The following SLC14A2 variants were observed in gnomAD, a reference collection of about 807,000 sequenced individuals.
SLC14A2 encodes the protein solute carrier family 14 member 2, also known as urea transporter 2.
In SLC14A2, 91 loss-of-function variants were observed where a neutral mutation model predicts 104.6. That is an observed-to-expected ratio of 0.87 (90% CI 0.73 to 1.04). The LOEUF (loss-of-function observed/expected upper bound fraction) is 1.04, where lower values mean the gene tolerates loss of function less well. Ranked by LOEUF, SLC14A2 falls within the 50% of genes least tolerant of loss-of-function variation. The probability of loss-of-function intolerance (pLI) is 0.00; values close to 1 mark genes in which losing one functional copy is unlikely to be tolerated. For missense variants in SLC14A2, 1,189 were observed against 1,156.0 expected (o/e 1.03, Z -0.41); for synonymous variants, 476 against 466.4 (o/e 1.02, Z -0.27).
intron 1 of SLC14A2, among the ~76,000 whole-genome samples, chr18:45,452,061 T>G (rs2144614308): frequency 6.6e-6 from 1 of 150,796 alleles, no homozygotes; most frequent in African/African-American, 2.4e-5. Context: ...TACTCAAGAG[T>G]GGGGACAGCT....
chr18:45,183,969 G>A, the SLC14A2 span, among the ~76,000 whole-genome samples: 1 of 112,346 alleles, frequency 8.9e-6, no homozygotes, highest in Non-Finnish European at 1.6e-5. Flanking sequence ...GCCCAGGCTA[G>A]TCTCAAACTC....
intron 1 of SLC14A2, among the ~76,000 whole-genome samples, chr18:45,469,812 G>A (rs566042492): frequency 1.4e-4 from 21 of 152,332 alleles, no homozygotes; most frequent in African/African-American, 4.8e-4. Context: ...TGTGGGGCAT[G>A]TCTGTGAACA....
the SLC14A2 span, among the ~76,000 whole-genome samples, chr18:45,187,863 G>A: frequency 1.3e-5 from 2 of 152,252 alleles, no homozygotes; most frequent in Admixed American, 1.3e-4. Context: ...TATCTTTTGA[G>A]GTGAGATTGA....
chr18:45,193,278 CT>C, the SLC14A2 span, among the ~76,000 whole-genome samples: 2 of 152,054 alleles, frequency 1.3e-5, no homozygotes, highest in Non-Finnish European at 2.9e-5. Context: ...ATGGATGGTG[CT>C]TTTGATGTTA....
rs545721444 is a variant in SLC14A2, at chr18:45,578,599, G to A, written c.-34-46032G>A. On this transcript the variant is annotated intron_variant, in intron 2 of 20. Coordinates refer to the SLC14A2 transcript ENST00000586448. Reference sequence around the variant, plus strand: ...CAACAGTATAGGTACTCTTTTGACTGGCTTTCCATATTGGAATACATACAA... The same window carrying A: ...CAACAGTATAGGTACTCTTTTGACTAGCTTTCCATATTGGAATACATACAA... Among the ~76,000 whole-genome samples the A allele has an allele frequency of 2.6e-5, 4 of 152,252 alleles. No homozygotes were observed. The East Asian group carries it at 7.7e-4, about 29-fold the overall frequency.
At chr18:45,330,197 A>G (rs1205444522) in intron 1 of SLC14A2, among the ~76,000 whole-genome samples, 1 of 152,192 alleles carries the variant, frequency 6.6e-6, no homozygotes, top group Non-Finnish European at 1.5e-5. Flanking sequence ...CAGCTCATTC[A>G]GTAGGGTCAA....
intron 2 of SLC14A2, among the ~76,000 whole-genome samples, chr18:45,584,307 C>G (rs2144368090): frequency 6.6e-6 from 1 of 152,340 alleles, no homozygotes; most frequent in Non-Finnish European, 1.5e-5. Context: ...GATCCCAGAT[C>G]TGTTACACTT....
chr18:45,415,740 G>A (rs907935419), intron 1 of SLC14A2, among the ~76,000 whole-genome samples: 2 of 152,166 alleles, frequency 1.3e-5, no homozygotes, highest in Non-Finnish European at 2.9e-5. Context: ...ATGGGGCTGA[G>A]TGGAGCTGAA....
chr18:45,653,591 T>A (rs1227510302), intron 10 of SLC14A2, among the ~76,000 whole-genome samples: 2 of 152,076 alleles, frequency 1.3e-5, no homozygotes, highest in Non-Finnish European at 2.9e-5. Context: ...CCAGACCCTA[T>A]GGCCTCATGG....
At chr18:45,434,155 T>A (rs1305506787) in intron 1 of SLC14A2, among the ~76,000 whole-genome samples, 3 of 152,160 alleles carry the variant, frequency 2.0e-5, no homozygotes, top group African/African-American at 7.2e-5. Flanking sequence ...CTGTAGATTG[T>A]CCCATATTGT....
chr18:45,383,162 A>C (rs1049373174), intron 1 of SLC14A2, among the ~76,000 whole-genome samples: 1 of 152,266 alleles, frequency 6.6e-6, no homozygotes, highest in African/African-American at 2.4e-5. Flanking sequence ...CCAAGATCAC[A>C]GAATGGGTTA....
the SLC14A2 span, among the ~76,000 whole-genome samples, chr18:45,186,824 A>G: frequency 6.6e-6 from 1 of 152,192 alleles, no homozygotes; most frequent in African/African-American, 2.4e-5. Flanking sequence ...AGAGGCTGCC[A>G]TCTTAGGGAG....
At chr18:45,538,519 T>A (rs1405309724) in intron 2 of SLC14A2, among the ~76,000 whole-genome samples, 1 of 152,258 alleles carries the variant, frequency 6.6e-6, no homozygotes, top group Admixed American at 6.5e-5. Flanking sequence ...CCTGACTGGC[T>A]GCTGGCCCCA....
chr18:45,199,484 A>G, the SLC14A2 span, among the ~76,000 whole-genome samples: 5 of 151,932 alleles, frequency 3.3e-5, no homozygotes, highest in African/African-American at 7.3e-5. Flanking sequence ...TTACAATTTC[A>G]TTAATTGTGT....
At chr18:45,442,976 G>T (rs2086704412) in intron 1 of SLC14A2, among the ~76,000 whole-genome samples, 2 of 152,332 alleles carry the variant, frequency 1.3e-5, no homozygotes, top group South Asian at 4.1e-4. Context: ...ATGTCAATAT[G>T]TGGGCCAGCT....
intron 1 of SLC14A2, among the ~76,000 whole-genome samples, chr18:45,258,389 G>C (rs1179822320): frequency 1.4e-5 from 2 of 142,682 alleles, no homozygotes; most frequent in Non-Finnish European, 1.5e-5. Flanking sequence ...AGTATCAGGA[G>C]TAGGAACATT....
chr18:45,424,421 G>T (rs1568195560), intron 1 of SLC14A2, among the ~76,000 whole-genome samples: 1 of 152,200 alleles, frequency 6.6e-6, no homozygotes, highest in African/African-American at 2.4e-5. Context: ...TGGAAGGGGG[G>T]ATGCTAAGGC....
chr18:45,244,353 G>A (rs760475439), intron 1 of SLC14A2, among the ~76,000 whole-genome samples: 1 of 152,152 alleles, frequency 6.6e-6, no homozygotes, highest in Non-Finnish European at 1.5e-5. Context: ...GGTGCTGGGC[G>A]CAGTGGCTCA....
chr18:45,267,830 A>T (rs1268391525), intron 1 of SLC14A2, among the ~76,000 whole-genome samples: 1 of 152,202 alleles, frequency 6.6e-6, no homozygotes, highest in Non-Finnish European at 1.5e-5. Context: ...TGTGATGGAA[A>T]CTGGATCCTT....
Sources: gnomAD v4.1 joint callset for allele counts (sites outside exome capture counted in the v4.1 genomes callset) on GRCh38, gnomAD v4.1.1 for gene constraint, MANE v1.5 for transcripts, NCBI Gene and HGNC (gene_info 2026-07-23, HGNC 2026-07-21) for gene names.